Variants in DSCAM observed in about 807,000 individuals in gnomAD.
DSCAM encodes cell adhesion molecule DSCAM.
Under a neutral mutation model 217.7 loss-of-function variants are expected in DSCAM, and 47 were observed. That is an observed-to-expected ratio of 0.22 (90% CI 0.17 to 0.28). The LOEUF (loss-of-function observed/expected upper bound fraction) is 0.28. Ranked by LOEUF, DSCAM falls within the 10% of genes least tolerant of loss-of-function variation. The probability of loss-of-function intolerance (pLI) is 1.00; values close to 1 mark genes in which losing one functional copy is unlikely to be tolerated. For synonymous variants in DSCAM, 1,056 were observed against 1,015.3 expected (o/e 1.04, Z -0.76); for missense variants, 2,080 against 2,618.3 (o/e 0.79, Z 4.49).
intron 3 of DSCAM, among the ~76,000 whole-genome samples, chr21:40,528,679 G>T (rs866108762): frequency 2.0e-5 from 3 of 152,138 alleles, no homozygotes; most frequent in South Asian, 4.2e-4. Context: ...TTGAGGGATG[G>T]CTTTATACGT....
intron 19 of DSCAM, among the ~76,000 whole-genome samples, chr21:40,127,995 C>T (rs983440899): frequency 6.6e-6 from 1 of 151,912 alleles, no homozygotes; most frequent in East Asian, 1.9e-4. Flanking sequence ...GCAACTCTTA[C>T]TCATCTCTCA....
At chr21:40,201,894 A>G (rs952313112) in intron 11 of DSCAM, among the ~76,000 whole-genome samples, 1 of 152,244 alleles carries the variant, frequency 6.6e-6, no homozygotes, top group Non-Finnish European at 1.5e-5. Context: ...TATTAATTGC[A>G]GCAAAAATAT....
chr21:40,436,826 C>G (rs182365451), intron 3 of DSCAM, among the ~76,000 whole-genome samples: 15 of 143,398 alleles, frequency 1.0e-4, no homozygotes, highest in Admixed American at 6.7e-4. Flanking sequence ...ATGAAGCCAG[C>G]TTGGAAGCCT....
intron 1 of DSCAM, among the ~76,000 whole-genome samples, chr21:40,807,588 A>T (rs1331234910): frequency 6.6e-6 from 1 of 152,204 alleles, no homozygotes; most frequent in African/African-American, 2.4e-5. Flanking sequence ...CTTCACCAAC[A>T]CACTAAGAAG....
chr21:40,342,744 C>A (rs1410192031), intron 6 of DSCAM, among the ~76,000 whole-genome samples: 4 of 107,572 alleles, frequency 3.7e-5, no homozygotes, highest in African/African-American at 1.7e-4. Context: ...GCACACCACG[C>A]CTTTTTTTTT....
At chr21:40,399,665 T>G (rs1250101993) in intron 3 of DSCAM, among the ~76,000 whole-genome samples, 1 of 152,232 alleles carries the variant, frequency 6.6e-6, no homozygotes, top group Non-Finnish European at 1.5e-5. Flanking sequence ...TGCCTAGCAA[T>G]GTGCTCAGCA....
intron 32 of DSCAM, among the ~76,000 whole-genome samples, chr21:40,018,258 T>C (rs1010485291): frequency 6.6e-5 from 10 of 152,232 alleles, no homozygotes; most frequent in Admixed American, 1.3e-4. Context: ...TTGCGATTTG[T>C]AGTTTTATAC....
At chr21:40,354,104 AT>A (rs1569080729) in intron 4 of DSCAM, among the ~76,000 whole-genome samples, 1 of 152,218 alleles carries the variant, frequency 6.6e-6, no homozygotes, top group African/African-American at 2.4e-5. Flanking sequence ...ATGGGTACAA[AT>A]ATGCAATTTG....
In DSCAM at chr21:40,042,578, G is replaced by C. The variant is rs1337372175; in HGVS notation, c.5479C>G (p.Leu1827Val). 1.9e-6 allele frequency: 3 copies of C among 1,614,174 alleles called. No individual in the cohort carries two copies. In the South Asian group the frequency reaches 3.3e-5, roughly 18 times the overall value. Residue 1827 changes from leucine (L) to valine (V), a missense_variant, in exon 32 of 33, where the codon CTG becomes GTG. By Grantham distance (32) the Leu-to-Val change is conservative. Around this residue, in one of 5 missense-constraint regions of DSCAM, gnomAD observed 1,144 missense variants for 1,421.1 expected, o/e 0.81. Coordinates refer to ENST00000400454, the MANE Select transcript of DSCAM (RefSeq NM_001389.5). ...AYEHAKMEEQ[L>V]RHAKFTITEC... Reference sequence around the variant, plus strand: ...GTGATGGTGAACTTGGCGTGCCTCAGTTGCTCTTCCATCTTGGCGTGTTCG... The same window carrying C: ...GTGATGGTGAACTTGGCGTGCCTCACTTGCTCTTCCATCTTGGCGTGTTCG...
chr21:40,498,857 A>AC (rs2076150511), intron 3 of DSCAM, among the ~76,000 whole-genome samples: 1 of 144,880 alleles, frequency 6.9e-6, no homozygotes, highest in African/African-American at 2.5e-5. Flanking sequence ...AAAATATGGT[A>AC]CATATTATAA....
chr21:40,523,418 T>C lies in DSCAM; in HGVS notation c.509-154173A>G, dbSNP rs116609050. On this transcript the variant is annotated intron_variant, in intron 3 of 32. Transcript: ENST00000400454. ...TGGAAAAAGACACAAGTGGCTGGAC[T>C]TCGGGAGGAATGCACCGGCCTAAGA... 7.5e-3 allele frequency among the ~76,000 whole-genome samples: 1,145 copies of C among 151,966 alleles called. 13 individuals carry two copies. Among genetic ancestry groups the C allele is most frequent in the African/African-American group, 0.026 (1,095 of 41,436 alleles).
Position 40,083,994 on chromosome 21 carries a change from T to C in DSCAM, c.4145A>G (p.Gln1382Arg). The C allele has an allele frequency of 6.2e-7, 1 of 1,612,890 alleles. No homozygotes were observed. The highest frequency in any genetic ancestry group is 8.5e-7 in the Non-Finnish European group (1 of 1,179,642). The change falls in exon 24 of 33, where the codon CAG becomes CGG. Residue 1382 changes from glutamine to arginine, a missense_variant. By Grantham distance (43) the Gln-to-Arg change is conservative. This residue lies in a region of DSCAM where 1,144 missense variants were observed against 1,421.1 expected (regional missense o/e 0.81). Coordinates refer to ENST00000400454, the MANE Select transcript of DSCAM (RefSeq NM_001389.5). The stretch of plus-strand genomic sequence containing the variant: ...GGTCTTGGAGACTGTAAGCCGAGGC[T>C]GATCTGGTGGAACTGGAGAGGAAAC... Reference protein sequence around the residue: ...LNLQVQVPPDQPRLTVSKTTS... With the variant: ...LNLQVQVPPDRPRLTVSKTTS...
chr21:40,117,521 T>C (rs1172863007), intron 20 of DSCAM, among the ~76,000 whole-genome samples: 1 of 152,160 alleles, frequency 6.6e-6, no homozygotes, highest in Non-Finnish European at 1.5e-5. Flanking sequence ...TGAGTGAAGA[T>C]AACAATCATA....
chr21:40,601,155 C>A (rs1219874669), intron 3 of DSCAM, among the ~76,000 whole-genome samples: 1 of 152,162 alleles, frequency 6.6e-6, no homozygotes. Context: ...CTGTCCATGA[C>A]AATAGAATCT....
At chr21:40,171,792 A>G (rs554812803) in intron 15 of DSCAM, among the ~76,000 whole-genome samples, 4 of 152,194 alleles carry the variant, frequency 2.6e-5, no homozygotes, top group African/African-American at 7.2e-5. Context: ...TGCTTTCTGT[A>G]TAACTCCTGA....
At chr21:40,641,017 C>G (rs1425946022) in intron 3 of DSCAM, among the ~76,000 whole-genome samples, 1 of 152,158 alleles carries the variant, frequency 6.6e-6, no homozygotes, top group Non-Finnish European at 1.5e-5. Flanking sequence ...TGAAAGAGAA[C>G]AACTGCATAA....
At chr21:40,629,156 A>G (rs1321928268) in intron 3 of DSCAM, among the ~76,000 whole-genome samples, 1 of 150,840 alleles carries the variant, frequency 6.6e-6, no homozygotes, top group African/African-American at 2.4e-5. Flanking sequence ...TAGGATGTTT[A>G]CTCTACTTCT....
At chr21:40,204,109 G>A (rs1427195749) in intron 11 of DSCAM, among the ~76,000 whole-genome samples, 1 of 152,148 alleles carries the variant, frequency 6.6e-6, no homozygotes. Flanking sequence ...ATGGGGTGAT[G>A]GTCTGCTTAC....
intron 3 of DSCAM, among the ~76,000 whole-genome samples, chr21:40,633,769 G>C (rs1332040530): frequency 6.6e-6 from 1 of 152,194 alleles, no homozygotes; most frequent in Non-Finnish European, 1.5e-5. Context: ...CAAATGCCTG[G>C]AGTGAATTTT....
Sources: allele counts gnomAD v4.1 joint callset (sites outside exome capture counted in the v4.1 genomes callset), GRCh38; gene constraint gnomAD v4.1.1; regional missense constraint gnomAD v4.1.1; transcripts MANE v1.5; gene names NCBI Gene and HGNC (gene_info 2026-07-23, HGNC 2026-07-21).